The following DDAH1 variants were observed in gnomAD, a reference collection of about 807,000 sequenced individuals.
DDAH1 encodes N(G),N(G)-dimethylarginine dimethylaminohydrolase 1.
Under a neutral mutation model 28.8 loss-of-function variants are expected in DDAH1, and 19 were observed. The ratio of observed to expected loss-of-function variants is 0.66; its 90% CI spans 0.46 to 0.97. The LOEUF is 0.97. Among genes scored for constraint, DDAH1 ranks in the 50% least tolerant of loss-of-function variants. The probability of loss-of-function intolerance (pLI) is 0.00; values close to 1 mark genes in which losing one functional copy is unlikely to be tolerated. For synonymous variants in DDAH1, 153 were observed against 154.4 expected (o/e 0.99, Z 0.07); for missense variants, 326 against 375.9 (o/e 0.87, Z 1.10).
intron 1 of DDAH1, among the ~76,000 whole-genome samples, chr1:85,409,195 C>T (rs1360023223): frequency 5.3e-5 from 8 of 152,146 alleles, no homozygotes; most frequent in Non-Finnish European, 7.4e-5. Context: ...TGGCCCAAGA[C>T]AATTTTTCTT....
At chr1:85,504,879 A>C (rs1235781166) in intron 1 of DDAH1, among the ~76,000 whole-genome samples, 1 of 145,982 alleles carries the variant, frequency 6.9e-6, no homozygotes, top group East Asian at 2.0e-4. Context: ...CTCATTCCCT[A>C]CCCCATGCCA....
At chr1:85,491,320 C>A (rs777905124) in intron 2 of DDAH1, among the ~76,000 whole-genome samples, 1 of 152,140 alleles carries the variant, frequency 6.6e-6, no homozygotes, top group Admixed American at 6.6e-5. Context: ...ATTACTCCAT[C>A]TTCCTGGCTT....
At chr1:85,380,943 A>C (rs1650951868) in intron 1 of DDAH1, among the ~76,000 whole-genome samples, 1 of 152,168 alleles carries the variant, frequency 6.6e-6, no homozygotes. Context: ...ATAGACCTGA[A>C]AGATATATTC....
chr1:85,444,346 TA>T (rs1363129548), intron 1 of DDAH1, among the ~76,000 whole-genome samples: 4 of 152,246 alleles, frequency 2.6e-5, no homozygotes, highest in African/African-American at 9.6e-5. Flanking sequence ...GAACCAGCCT[TA>T]CATCCCAGTG....
intron 1 of DDAH1, among the ~76,000 whole-genome samples, chr1:85,436,013 C>G (rs1178864900): frequency 6.6e-6 from 1 of 151,414 alleles, no homozygotes; most frequent in Non-Finnish European, 1.5e-5. Context: ...GTTGTCCAGA[C>G]TGGTCTCGAA....
chr1:85,462,592 T>TTTCG (rs1278788170), intron 1 of DDAH1, among the ~76,000 whole-genome samples: 3 of 2,970 alleles, frequency 1.0e-3, no homozygotes, highest in East Asian at 0.25. Flanking sequence ...TGTATTAGCA[T>TTTCG]TTCATTCATC....
chr1:85,527,704 A>T (rs1354080646), intron 1 of DDAH1, among the ~76,000 whole-genome samples: 1 of 151,534 alleles, frequency 6.6e-6, no homozygotes, highest in Non-Finnish European at 1.5e-5. Context: ...ACTCCCTGCA[A>T]TTTTTTTTTC....
chr1:85,340,360 A>C (rs1296994372), intron 4 of DDAH1, among the ~76,000 whole-genome samples: 1 of 152,190 alleles, frequency 6.6e-6, no homozygotes, highest in Non-Finnish European at 1.5e-5. Context: ...ATTCATGGTG[A>C]CAGGGAGAGT....
chr1:85,536,590 C>CAA lies in DDAH1; in HGVS notation c.-122-40311_-122-40310dup, dbSNP rs543825001. Among the ~76,000 whole-genome samples the CAA allele has an allele frequency of 9.9e-3, 1,503 of 151,528 alleles. 12 individuals carry two copies. The highest frequency in any genetic ancestry group is 0.027 in the Middle Eastern group (8 of 294). On this transcript the variant is annotated intron_variant, in intron 1 of 6. Coordinates refer to the DDAH1 transcript ENST00000426972. ...AAAGCAAAACAAACAAACAAATGAA[C>CAA]AAAAAAACACACACACAATGAGATA...
intron 2 of DDAH1, among the ~76,000 whole-genome samples, chr1:85,354,841 T>C (rs368019570): frequency 2.0e-5 from 3 of 151,638 alleles, no homozygotes; most frequent in South Asian, 2.1e-4. Context: ...TTAGAGAAGA[T>C]GAAAGGCTAA....
In DDAH1 at chr1:85,319,676, T is replaced by C. The variant is rs1661241250; in HGVS notation, c.*1776A>G. The C allele has an allele frequency of 6.6e-6, 1 of 152,230 alleles. No homozygotes were observed. The highest frequency in any genetic ancestry group is 1.5e-5 in the Non-Finnish European group (1 of 68,040). The allele number at this position is 152,230 out of a possible 1,614,324, so 9.4% of individuals were successfully genotyped here. A position where few individuals can be genotyped will look rare whatever the true frequency, so the allele number is the denominator to read the frequency against. ...ATCTCTGATGAGATGGTTCAAAATA[T>C]GACAGTGACCAAGACGTGGTTTATT... On this transcript the variant is annotated 3_prime_UTR_variant, in exon 6 of 6. Coordinates refer to ENST00000284031, the MANE Select transcript of DDAH1 (RefSeq NM_012137.4).
chr1:85,566,203 A>G (rs1476592419), intron 1 of DDAH1, among the ~76,000 whole-genome samples: 1 of 152,116 alleles, frequency 6.6e-6, no homozygotes, highest in Non-Finnish European at 1.5e-5. Context: ...AAAGGTAGAC[A>G]GTATTAAAAA....
chr1:85,489,705 G>A (rs1656321416), intron 2 of DDAH1, among the ~76,000 whole-genome samples: 1 of 151,984 alleles, frequency 6.6e-6, no homozygotes, highest in Non-Finnish European at 1.5e-5. Context: ...ATGGTTAAAG[G>A]GAGAGGAGGC....
intron 4 of DDAH1, among the ~76,000 whole-genome samples, chr1:85,329,717 A>T (rs929577291): frequency 1.1e-4 from 16 of 152,242 alleles, no homozygotes; most frequent in Non-Finnish European, 2.4e-4. Flanking sequence ...GAAGCTTTTC[A>T]ATTAATTTAT....
intron 2 of DDAH1, among the ~76,000 whole-genome samples, chr1:85,491,565 T>C (rs1046482210): frequency 1.3e-5 from 2 of 152,186 alleles, no homozygotes; most frequent in African/African-American, 2.4e-5. Flanking sequence ...GTATAAGCCC[T>C]AAAAGTGTGC....
intron 1 of DDAH1, among the ~76,000 whole-genome samples, chr1:85,528,750 C>T (rs1237884616): frequency 3.3e-5 from 5 of 152,068 alleles, no homozygotes; most frequent in Non-Finnish European, 2.9e-5. Context: ...CTGAGATGGG[C>T]GGATCACAAG....
In DDAH1 at chr1:85,321,270, C is replaced by A; in HGVS notation, c.*182G>T. On this transcript the variant is annotated 3_prime_UTR_variant, in exon 6 of 6. Transcript: ENST00000284031. ...TTTAGCAAATCCACAGCTTAGGTAC[C>A]ACCTCGAGGGGAGGGAGGGTGGGGG... 3.6e-6 allele frequency: 2 copies of A among 554,194 alleles called. No homozygotes were observed. The highest frequency in any genetic ancestry group is 6.5e-6 in the Non-Finnish European group (2 of 309,660). 34.3% of individuals were successfully genotyped at this position (554,194 alleles called of 1,614,324 possible). A position where few individuals can be genotyped will look rare whatever the true frequency, so the allele number is the denominator to read the frequency against.
chr1:85,344,580 C>T (rs1385144223), intron 4 of DDAH1, among the ~76,000 whole-genome samples: 1 of 151,234 alleles, frequency 6.6e-6, no homozygotes, highest in Non-Finnish European at 1.5e-5. Context: ...TTCATCCTTC[C>T]CTCCCTTCCC....
Position 85,341,279 on chromosome 1 carries a change from G to A in DDAH1, c.597+9136C>T, listed in dbSNP as rs74096897. On this transcript the variant is annotated intron_variant, in intron 4 of 5. Coordinates refer to ENST00000284031, the MANE Select transcript of DDAH1 (RefSeq NM_012137.4). Reference sequence around the variant, plus strand: ...GCTCAGTAAATCTTACCACTGTGATGTCTTTTCAATTGCTGTTTTAAAAGT... The same window carrying A: ...GCTCAGTAAATCTTACCACTGTGATATCTTTTCAATTGCTGTTTTAAAAGT... Among the ~76,000 whole-genome samples, 864 of 152,276 alleles carry A rather than the reference G, an allele frequency of 5.7e-3. 12 individuals carry two copies. The highest frequency in any genetic ancestry group is 0.02 in the African/African-American group (822 of 41,558).
Sources: allele counts gnomAD v4.1 joint callset (sites outside exome capture counted in the v4.1 genomes callset), GRCh38; gene constraint gnomAD v4.1.1; transcripts MANE v1.5; gene names NCBI Gene and HGNC (gene_info 2026-07-23, HGNC 2026-07-21).